MCC: variants seen among roughly 807,000 people sequenced by gnomAD.
MCC encodes colorectal mutant cancer protein.
Under a neutral mutation model 116.2 loss-of-function variants are expected in MCC, and 90 were observed. That is an observed-to-expected ratio of 0.77 (90% CI 0.65 to 0.92). The LOEUF is 0.92. MCC is among the 40% of genes least tolerant of loss of function. MCC has a pLI of 0.00. For missense variants in MCC, 1,516 were observed against 1,312.2 expected (o/e 1.16, Z -2.40); for synonymous variants, 578 against 510.5 (o/e 1.13, Z -1.78).
chr5:113,446,077 A>C (rs1362911488), intron 1 of MCC, among the ~76,000 whole-genome samples: 1 of 152,224 alleles, frequency 6.6e-6, no homozygotes, highest in Non-Finnish European at 1.5e-5. Flanking sequence ...CCTACCTTTC[A>C]CCATATATAA....
chr5:113,059,237 T>C (rs1753046438), intron 14 of MCC, among the ~76,000 whole-genome samples: 1 of 152,212 alleles, frequency 6.6e-6, no homozygotes, highest in East Asian at 1.9e-4. Context: ...GAAAGTTTAA[T>C]TTCAAGATAA....
intron 5 of MCC, among the ~76,000 whole-genome samples, chr5:113,127,613 CTTT>C (rs944907275): frequency 5.9e-5 from 9 of 152,250 alleles, no homozygotes; most frequent in African/African-American, 2.2e-4. Context: ...CAATATTGAG[CTTT>C]TTTTCATATG....
Position 113,064,038 on chromosome 5 carries a change from A to G in MCC, c.2159T>C (p.Val720Ala). The G allele has an allele frequency of 1.9e-6, 3 of 1,614,122 alleles. No individual in the cohort carries two copies. The highest frequency in any genetic ancestry group is 2.5e-6 in the Non-Finnish European group (3 of 1,180,020). The stretch of plus-strand genomic sequence containing the variant: ...CCAGGGCTGCACGCTGCAGCCGGCC[A>G]CGGCAAAGGCTCCCCCACAGCTGCC... Reference protein sequence around the residue: ...LDGSCGGAFAVAGCSVQPWES... With the variant: ...LDGSCGGAFAAAGCSVQPWES... Residue 720 changes from valine to alanine, a missense_variant, in exon 14 of 19, where the codon GTG becomes GCG. By Grantham distance (64) the Val-to-Ala change is moderately conservative (BLOSUM62 0). Transcript: ENST00000408903.
At chr5:113,422,935 C>A (rs184926941) in intron 1 of MCC, among the ~76,000 whole-genome samples, 1 of 152,258 alleles carries the variant, frequency 6.6e-6, no homozygotes, top group African/African-American at 2.4e-5. Context: ...CAGGAGATCC[C>A]CATGACTCAT....
chr5:113,235,606 A>T (rs1157977074), intron 3 of MCC, among the ~76,000 whole-genome samples: 1 of 152,254 alleles, frequency 6.6e-6, no homozygotes, highest in African/African-American at 2.4e-5. Flanking sequence ...TTGAGGGCAC[A>T]GTGCTTCGCA....
chr5:113,453,458 T>G (rs1052580412), intron 1 of MCC, among the ~76,000 whole-genome samples: 2 of 152,226 alleles, frequency 1.3e-5, no homozygotes, highest in Non-Finnish European at 2.9e-5. Flanking sequence ...CAGCCTAGGC[T>G]GCTGTCACTG....
At chr5:113,142,490 A>C (rs1326456914) in intron 5 of MCC, among the ~76,000 whole-genome samples, 1 of 151,946 alleles carries the variant, frequency 6.6e-6, no homozygotes. Flanking sequence ...ATAAGTAAGG[A>C]AGGCAGAATC....
intron 3 of MCC, among the ~76,000 whole-genome samples, chr5:113,291,058 T>C (rs974876603): frequency 6.6e-6 from 1 of 152,206 alleles, no homozygotes; most frequent in Non-Finnish European, 1.5e-5. Context: ...AAAAATATGT[T>C]TGAATGTTCA....
At chr5:113,046,000 G>A (rs1752046563) in intron 16 of MCC, among the ~76,000 whole-genome samples, 1 of 151,762 alleles carries the variant, frequency 6.6e-6, no homozygotes, top group African/African-American at 2.4e-5. Context: ...CTAGATGCTC[G>A]CCTCATCCAG....
intron 1 of MCC, chr5:113,433,532 C>T: frequency 1.5e-6 from 1 of 647,200 alleles, no homozygotes; most frequent in South Asian, 2.0e-5. Context: ...ACGACTGTCT[C>T]AGCCTTGGAT....
At chr5:113,118,227 CT>C (rs2150267025) in intron 6 of MCC, among the ~76,000 whole-genome samples, 1 of 152,310 alleles carries the variant, frequency 6.6e-6, no homozygotes, top group East Asian at 1.9e-4. Flanking sequence ...TACCCACCCT[CT>C]CTTTTAACGG....
intron 3 of MCC, among the ~76,000 whole-genome samples, chr5:113,319,960 C>T (rs1378370011): frequency 1.3e-5 from 2 of 152,202 alleles, no homozygotes; most frequent in Admixed American, 1.3e-4. Context: ...TCCTGGGCTT[C>T]TCCTTACTTC....
chr5:113,180,623 T>A (rs1291094078), intron 3 of MCC, among the ~76,000 whole-genome samples: 1 of 152,150 alleles, frequency 6.6e-6, no homozygotes, highest in Non-Finnish European at 1.5e-5. Flanking sequence ...TGAGAGAAGT[T>A]TATGTTATAA....
At chr5:113,148,407 C>T (rs946556490) in intron 4 of MCC, among the ~76,000 whole-genome samples, 1 of 152,206 alleles carries the variant, frequency 6.6e-6, no homozygotes, top group Non-Finnish European at 1.5e-5. Context: ...AAGACACCTT[C>T]TTTTATTCAA....
At chr5:113,100,169 C>T (rs1406431752) in intron 8 of MCC, among the ~76,000 whole-genome samples, 1 of 152,068 alleles carries the variant, frequency 6.6e-6, no homozygotes, top group African/African-American at 2.4e-5. Context: ...GTAGTAGTGC[C>T]AGCCTTTTAA....
At chr5:113,370,701 G>GA (rs1223906864) in intron 2 of MCC, among the ~76,000 whole-genome samples, 1 of 152,148 alleles carries the variant, frequency 6.6e-6, no homozygotes, top group East Asian at 1.9e-4. Context: ...CATCAGCACT[G>GA]AAATTTTTGA....
At chr5:113,273,356 G>C in intron 3 of MCC, among the ~76,000 whole-genome samples, 1 of 152,300 alleles carries the variant, frequency 6.6e-6, no homozygotes, top group East Asian at 1.9e-4. Context: ...ATGTACTGTG[G>C]ATCAGCAATG....
chr5:113,449,355 G>A (rs1335902753), intron 1 of MCC, among the ~76,000 whole-genome samples: 2 of 152,192 alleles, frequency 1.3e-5, no homozygotes, highest in African/African-American at 4.8e-5. Flanking sequence ...AAGCAGAAAA[G>A]GTGGTTGGGG....
At chr5:113,116,591 CTTTCCA>C (rs1164600836) in intron 6 of MCC, among the ~76,000 whole-genome samples, 2 of 152,172 alleles carry the variant, frequency 1.3e-5, no homozygotes, top group Non-Finnish European at 2.9e-5. Context: ...AGATTAATGC[CTTTCCA>C]TTTCCATCTT....
Sources: allele counts gnomAD v4.1 joint callset (sites outside exome capture counted in the v4.1 genomes callset), GRCh38; gene constraint gnomAD v4.1.1; transcripts MANE v1.5; gene names NCBI Gene and HGNC (gene_info 2026-07-23, HGNC 2026-07-21).